Variants in N4BP1 observed in about 807,000 individuals in gnomAD.
The protein encoded by N4BP1 is NEDD4-binding protein 1.
In N4BP1, 21 loss-of-function variants were observed where a neutral mutation model predicts 70.9. The ratio of observed to expected loss-of-function variants is 0.30; its 90% CI spans 0.21 to 0.43. The LOEUF (loss-of-function observed/expected upper bound fraction) is 0.43. N4BP1 is among the 20% of genes least tolerant of loss of function. N4BP1 has a pLI of 1.00. For missense variants in N4BP1, 936 were observed against 1,069.4 expected, an observed-to-expected ratio of 0.88 and a Z score of 1.74; for synonymous variants, 387 against 394.6, an observed-to-expected ratio of 0.98 and a Z score of 0.23.
chr16:48,602,605 G>C (rs376555959), intron 1 of N4BP1, among the ~76,000 whole-genome samples: 6 of 152,050 alleles, frequency 3.9e-5, no homozygotes, highest in East Asian at 3.9e-4. Context: ...CACAACCATA[G>C]TGAGTAAAAA....
Position 48,543,231 on chromosome 16 carries a change from T to C in N4BP1, c.2364A>G (p.Pro788=). ...RDMQPLLSAL[P]NVGMFDPSFR... ...AGCTGGGGTCAAACATGCCCACATT[T>C]GGCAGGGCACTGAGTAGGGGCTGCA... Residue 788 remains proline, a synonymous_variant, in exon 7 of 7, where the codon CCA becomes CCG. Transcript: ENST00000262384. The C allele has an allele frequency of 4.5e-6, 7 of 1,549,116 alleles. No individual in the cohort carries two copies. Among genetic ancestry groups the C allele is most frequent in the Non-Finnish European group, 6.1e-6 (7 of 1,146,362 alleles).
At chr16:48,569,620 C>T (rs1282128544) in intron 1 of N4BP1, among the ~76,000 whole-genome samples, 2 of 152,096 alleles carry the variant, frequency 1.3e-5, no homozygotes, top group Non-Finnish European at 2.9e-5. Flanking sequence ...TTGAACTCAC[C>T]GCTGGGCTCA....
At chr16:48,548,677 T>C (rs141278495) in intron 4 of N4BP1, among the ~76,000 whole-genome samples, 2,086 of 151,866 alleles carry the variant, frequency 0.014, 48 homozygotes, top group African/African-American at 0.048. Flanking sequence ...TGAAACCCCG[T>C]CTCTACAAAA....
At chr16:48,573,001 A>G (rs1315286187) in intron 1 of N4BP1, among the ~76,000 whole-genome samples, 3 of 151,548 alleles carry the variant, frequency 2.0e-5, no homozygotes, top group Admixed American at 6.6e-5. Context: ...AGTAGCAGCT[A>G]CTCAGGAAGC....
chr16:48,604,431 T>C (rs1441651228), intron 1 of N4BP1, among the ~76,000 whole-genome samples: 1 of 152,068 alleles, frequency 6.6e-6, no homozygotes, highest in Non-Finnish European at 1.5e-5. Flanking sequence ...CACATGCCTG[T>C]AGTCCCAGCT....
chr16:48,573,367 G>C (rs372838785), intron 1 of N4BP1, among the ~76,000 whole-genome samples: 1 of 152,058 alleles, frequency 6.6e-6, no homozygotes, highest in African/African-American at 2.4e-5. Context: ...CAAGGCAGGC[G>C]GATTGTTTGA....
rs1017895007 is a variant in N4BP1, at chr16:48,550,279, G to A, written c.2117+1107C>T. Among the ~76,000 whole-genome samples the A allele has an allele frequency of 5.3e-5, 8 of 151,904 alleles. No homozygotes were observed. The South Asian group carries it at 1.3e-3, about 24-fold the overall frequency. On this transcript the variant is annotated intron_variant, in intron 4 of 6. Coordinates refer to ENST00000262384, the MANE Select transcript of N4BP1 (RefSeq NM_153029.4). ...TGTAATCCCAGCACTTTGGGAGGCC[G>A]AGACGGGTGGATCATCTGAGGTCAG...
intron 1 of N4BP1, among the ~76,000 whole-genome samples, chr16:48,586,323 T>C (rs1964244851): frequency 6.6e-6 from 1 of 152,232 alleles, no homozygotes; most frequent in Non-Finnish European, 1.5e-5. Flanking sequence ...CTACCGAGTA[T>C]ATAATTTTAC....
chr16:48,558,293 CAA>C (rs57285875), intron 2 of N4BP1, among the ~76,000 whole-genome samples: 39 of 98,206 alleles, frequency 4.0e-4, no homozygotes, highest in African/African-American at 4.7e-4. Flanking sequence ...ATCAGTTTTC[CAA>C]AAAAAAAAAA....
intron 1 of N4BP1, among the ~76,000 whole-genome samples, chr16:48,579,213 G>C (rs530389917): frequency 1.1e-4 from 16 of 152,308 alleles, no homozygotes; most frequent in Middle Eastern, 3.4e-3. Context: ...TGTCAGAACA[G>C]GAATTAGGAG....
Position 48,609,901 on chromosome 16 carries a change from G to C in N4BP1, c.72C>G (p.Arg24=). ...CGCCAAACAGGCCCTCGATACGGCC[G>C]CGGCTCTGCTCCAGCAGCTCCGCCT... ...AEKAELLEQS[R]GRIEGLFGVS... The change falls in exon 1 of 7, where the codon CGC becomes CGG. Residue 24 remains arginine, a synonymous_variant. Coordinates refer to ENST00000262384, the MANE Select transcript of N4BP1 (RefSeq NM_153029.4). 1 of 1,472,862 alleles carries C rather than the reference G, an allele frequency of 6.8e-7. No individual in the cohort carries two copies. The highest frequency in any genetic ancestry group is 9.0e-7 in the Non-Finnish European group (1 of 1,113,346). The allele number at this position is 1,472,862 out of a possible 1,614,324, so 91.2% of individuals were successfully genotyped here. A position where few individuals can be genotyped will look rare whatever the true frequency, so the allele number is the denominator to read the frequency against.
rs1236278165 is a variant in N4BP1, at chr16:48,543,209, T to A, written c.2386A>T (p.Ser796Cys). The A allele has an allele frequency of 6.4e-7, 1 of 1,569,498 alleles. No individual in the cohort carries two copies. Among genetic ancestry groups the A allele is most frequent in the Non-Finnish European group, 8.7e-7 (1 of 1,155,582 alleles). ...GCCTGGGTGCCAGGGACTCTGAAGC[T>A]GGGGTCAAACATGCCCACATTTGGC... is the stretch of plus-strand genomic sequence containing the variant. ...ALPNVGMFDP[S>C]FRVPGTQAAS... is the part of the protein sequence containing the mutation. The change falls in exon 7 of 7, where the codon AGC becomes TGC. Residue 796 changes from serine to cysteine, a missense_variant. Coordinates refer to ENST00000262384, the MANE Select transcript of N4BP1 (RefSeq NM_153029.4).
intron 2 of N4BP1, 100 bp from the exon 3 acceptor site, chr16:48,553,769 A>C (rs1963709894): frequency 2.0e-6 from 2 of 1,025,600 alleles, no homozygotes; most frequent in Admixed American, 7.2e-5. Flanking sequence ...AACAAACAGT[A>C]AGAACAAAGT....
At chr16:48,599,719 A>G (rs1432146221) in intron 1 of N4BP1, among the ~76,000 whole-genome samples, 1 of 152,248 alleles carries the variant, frequency 6.6e-6, no homozygotes, top group Non-Finnish European at 1.5e-5. Context: ...TGAACATTTC[A>G]TAGCTTGCTT....
At chr16:48,567,332 T>G (rs1655996078) in intron 1 of N4BP1, among the ~76,000 whole-genome samples, 1 of 152,210 alleles carries the variant, frequency 6.6e-6, no homozygotes, top group South Asian at 2.1e-4. Flanking sequence ...TTTTTCTTTG[T>G]GAGACAGAGT....
chr16:48,572,196 C>G (rs1964028883), intron 1 of N4BP1, among the ~76,000 whole-genome samples: 3 of 152,118 alleles, frequency 2.0e-5, no homozygotes, highest in Admixed American at 6.5e-5. Flanking sequence ...GAGACCCTGT[C>G]TCTAAATAAA....
chr16:48,591,122 C>T (rs1964331064), intron 1 of N4BP1, among the ~76,000 whole-genome samples: 1 of 152,190 alleles, frequency 6.6e-6, no homozygotes, highest in South Asian at 2.1e-4. Flanking sequence ...CCTTTGCAAG[C>T]TTGAAATTGG....
Position 48,539,506 on chromosome 16 carries a change from AG to A in N4BP1, c.*3397del, listed in dbSNP as rs1274561332. On this transcript the variant is annotated 3_prime_UTR_variant, in exon 7 of 7. Transcript: ENST00000262384. ...AAGGTCAGGGCCAGTCACTACAGAGAGGGGACAGCGAGGAGAGGGACGGTGT... is the reference window on the plus strand; with the variant it reads ...AAGGTCAGGGCCAGTCACTACAGAGAGGGACAGCGAGGAGAGGGACGGTGT... 1 of 152,414 alleles carries A rather than the reference AG, an allele frequency of 6.6e-6. No individual in the cohort carries two copies. Among genetic ancestry groups the A allele is most frequent in the Admixed American group, 6.5e-5 (1 of 15,286 alleles). The allele number at this position is 152,414 out of a possible 1,614,324, so 9.4% of individuals were successfully genotyped here. A position where few individuals can be genotyped will look rare whatever the true frequency, so the allele number is the denominator to read the frequency against.
intron 3 of N4BP1, among the ~76,000 whole-genome samples, chr16:48,552,478 T>C (rs572567678): frequency 1.3e-5 from 2 of 151,670 alleles, no homozygotes; most frequent in African/African-American, 4.8e-5. Flanking sequence ...GGTGGGTGGA[T>C]AACAAGGTCA....
Sources: allele counts gnomAD v4.1 joint callset (sites outside exome capture counted in the v4.1 genomes callset), GRCh38; gene constraint gnomAD v4.1.1; transcripts MANE v1.5; gene names NCBI Gene and HGNC (gene_info 2026-07-23, HGNC 2026-07-21).